Variants in PEX2 observed in about 807,000 individuals in gnomAD.
PEX2 encodes peroxisome biogenesis factor 2.
Under a neutral mutation model 25.2 loss-of-function variants are expected in PEX2, and 19 were observed. That is an observed-to-expected ratio of 0.75 (90% CI 0.53 to 1.10). The LOEUF (loss-of-function observed/expected upper bound fraction) is 1.10, where lower values mean the gene tolerates loss of function less well. PEX2 is among the 50% of genes least tolerant of loss of function. The pLI is 0.00. For synonymous variants in PEX2, 141 were observed against 127.7 expected (o/e 1.10, Z -0.70); for missense variants, 347 against 350.6 (o/e 0.99, Z 0.08).
At position 76,983,624 on chromosome 8, in the gene PEX2, T is replaced by C; in HGVS notation, c.555A>G (p.Glu185=). 1 of 1,614,002 alleles carries C rather than the reference T, an allele frequency of 6.2e-7. No individual in the cohort carries two copies. The highest frequency in any genetic ancestry group is 8.5e-7 in the Non-Finnish European group (1 of 1,179,884). The change falls in exon 4 of 4, where the codon GAA becomes GAG. Residue 185 remains glutamate, a synonymous_variant. Transcript: ENST00000357039. The part of the protein sequence containing the change: ...SVFCKPQNIC[E]VGFEYMNREL... Reference sequence around the variant, plus strand: ...CCCTATTCATGTATTCAAAGCCAACTTCACATATGTTTTGAGGCTTGCAAA... The same window carrying C: ...CCCTATTCATGTATTCAAAGCCAACCTCACATATGTTTTGAGGCTTGCAAA...
chr8:76,995,599 T>C (rs1049408455), intron 1 of PEX2, among the ~76,000 whole-genome samples: 2 of 152,130 alleles, frequency 1.3e-5, no homozygotes, highest in Non-Finnish European at 2.9e-5. Context: ...ATACACAATA[T>C]AGTTATTCAA....
At chr8:76,993,644 C>T (rs1319073779) in intron 1 of PEX2, among the ~76,000 whole-genome samples, 2 of 152,120 alleles carry the variant, frequency 1.3e-5, no homozygotes, top group Admixed American at 1.3e-4. Context: ...AATGTAAGCT[C>T]AAACTTGAAT....
intron 1 of PEX2, among the ~76,000 whole-genome samples, chr8:76,989,527 A>G (rs1296224920): frequency 6.6e-6 from 1 of 152,168 alleles, no homozygotes; most frequent in Non-Finnish European, 1.5e-5. Flanking sequence ...TAAGAAATGT[A>G]GTTCTTAAAA....
chr8:76,983,293 C>T lies in PEX2; in HGVS notation c.886G>A (p.Gly296Arg). 6.2e-7 allele frequency: 1 copy of T among 1,613,758 alleles called. No homozygotes were observed. Among genetic ancestry groups the T allele is most frequent in the South Asian group, 1.1e-5 (1 of 91,084 alleles). The change falls in exon 4 of 4, where the codon GGA becomes AGA. Residue 296 changes from glycine to arginine, a missense_variant. Gly to Arg is a moderately radical substitution (Grantham distance 125, BLOSUM62 -2). Transcript: ENST00000357039. Reference protein sequence around the residue: ...EVHSLQPLKSGIEMSEVNAL With the variant: ...EVHSLQPLKSRIEMSEVNAL ...GCATTTACTTCTGACATCTCGATTC[C>T]TGATTTCAGTGGCTGCAGACTGTGT...
intron 1 of PEX2, among the ~76,000 whole-genome samples, chr8:76,994,171 T>C (rs1807254286): frequency 6.6e-6 from 1 of 152,170 alleles, no homozygotes; most frequent in Non-Finnish European, 1.5e-5. Flanking sequence ...AGAGCAGCAA[T>C]ATATAACCTT....
At chr8:77,000,429 G>C (rs1807477436), upstream of PEX2, among the ~76,000 whole-genome samples, 2 of 151,814 alleles carry the variant, frequency 1.3e-5, no homozygotes, top group Admixed American at 1.3e-4. Context: ...TTCTCTGCTT[G>C]CGGACATCGC....
chr8:76,984,160 T>G lies in PEX2; in HGVS notation c.19A>C (p.Asn7His), dbSNP rs576066189. Residue 7 changes from asparagine to histidine, a missense_variant, in exon 4 of 4, where the codon AAT becomes CAT. Coordinates refer to ENST00000357039, the MANE Select transcript of PEX2 (RefSeq NM_000318.3). MASRKE[N>H]AKSANRVLRI... The stretch of plus-strand genomic sequence containing the variant: ...AGCACTCTGTTTGCACTCTTCGCAT[T>G]CTCTTTTCTGGAAGCCATGTCTTCT... The G allele has an allele frequency of 2.4e-5, 38 of 1,614,140 alleles. 1 individual carries two copies. The South Asian group carries it at 4.0e-4, about 17-fold the overall frequency.
chr8:76,994,421 G>T (rs1807262503), intron 1 of PEX2, among the ~76,000 whole-genome samples: 1 of 151,984 alleles, frequency 6.6e-6, no homozygotes, highest in East Asian at 1.9e-4. Context: ...ATTGTCAAGG[G>T]CCTGTCAATA....
At chr8:76,995,709 G>C (rs907019540) in intron 1 of PEX2, among the ~76,000 whole-genome samples, 2 of 152,062 alleles carry the variant, frequency 1.3e-5, no homozygotes, top group African/African-American at 2.4e-5. Flanking sequence ...TAACAGCATG[G>C]CACTCATATT....
chr8:77,000,721 A>T (rs1191602632), upstream of PEX2, among the ~76,000 whole-genome samples: 2 of 151,954 alleles, frequency 1.3e-5, no homozygotes, highest in African/African-American at 4.8e-5. Context: ...CTCCCGAGAG[A>T]CCCCGTAGAG....
At chr8:76,994,265 C>T (rs1466923535) in intron 1 of PEX2, among the ~76,000 whole-genome samples, 2 of 152,058 alleles carry the variant, frequency 1.3e-5, no homozygotes, top group Non-Finnish European at 2.9e-5. Flanking sequence ...ATTCCAAAAA[C>T]TAAACAAATG....
upstream of PEX2, chr8:77,000,371 C>CT (rs79864568): frequency 0.32 from 63,566 of 195,588 alleles, 12,205 homozygotes; most frequent in East Asian, 0.47. Context: ...GAGGACACTA[C>CT]AAGTGTCGAG....
intron 1 of PEX2, among the ~76,000 whole-genome samples, chr8:76,994,974 A>G (rs190460737): frequency 2.6e-5 from 4 of 152,314 alleles, no homozygotes; most frequent in African/African-American, 7.2e-5. Flanking sequence ...ATACTAATAA[A>G]TGGGACGTGC....
chr8:76,990,855 A>T (rs1807150496), intron 1 of PEX2, among the ~76,000 whole-genome samples: 1 of 152,224 alleles, frequency 6.6e-6, no homozygotes, highest in Non-Finnish European at 1.5e-5. Flanking sequence ...TAAACGTTAC[A>T]CAGAGACACC....
intron 3 of PEX2, among the ~76,000 whole-genome samples, chr8:76,985,474 C>T (rs1009381325): frequency 6.6e-6 from 1 of 152,150 alleles, no homozygotes; most frequent in Non-Finnish European, 1.5e-5. Flanking sequence ...CACATACACA[C>T]AGGTGGTAAG....
chr8:76,987,517 G>A (rs1586072704), intron 2 of PEX2, among the ~76,000 whole-genome samples: 1 of 152,058 alleles, frequency 6.6e-6, no homozygotes, highest in Non-Finnish European at 1.5e-5. Flanking sequence ...GGAAGGTAAC[G>A]GGAAGCCCCC....
chr8:76,984,341 T>A, intron 3 of PEX2, 146 bp from the exon 4 acceptor site: 2 of 607,638 alleles, frequency 3.3e-6, no homozygotes, highest in Non-Finnish European at 5.7e-6. Flanking sequence ...GTACAGCGAA[T>A]AATCACTTCT....
At chr8:76,996,026 CA>C (rs1476188761) in intron 1 of PEX2, among the ~76,000 whole-genome samples, 1 of 152,024 alleles carries the variant, frequency 6.6e-6, no homozygotes, top group African/African-American at 2.4e-5. Flanking sequence ...CAGCTATTTC[CA>C]ATTGCAAAAG....
intron 1 of PEX2, among the ~76,000 whole-genome samples, chr8:76,990,341 T>C (rs1807131683): frequency 6.6e-6 from 1 of 152,202 alleles, no homozygotes; most frequent in Non-Finnish European, 1.5e-5. Context: ...TCACTTTCTT[T>C]AATTCATGTG....
Sources: allele counts gnomAD v4.1 joint callset (sites outside exome capture counted in the v4.1 genomes callset), GRCh38; gene constraint gnomAD v4.1.1; transcripts MANE v1.5; gene names NCBI Gene and HGNC (gene_info 2026-07-23, HGNC 2026-07-21).